Variants in TIAM2 observed in about 807,000 individuals in gnomAD.
TIAM2 encodes TIAM Rac1 associated GEF 2.
Under a neutral mutation model 152.9 loss-of-function variants are expected in TIAM2, and 80 were observed. The ratio of observed to expected loss-of-function variants is 0.52; its 90% CI spans 0.44 to 0.63. The LOEUF (loss-of-function observed/expected upper bound fraction) is 0.63. Among genes scored for constraint, TIAM2 ranks in the 30% least tolerant of loss-of-function variants. The pLI, the probability that TIAM2 is intolerant of heterozygous loss-of-function variation, is 0.00. For missense variants in TIAM2, 1,965 were observed against 2,120.1 expected (o/e 0.93, Z 1.44); for synonymous variants, 804 against 838.0 (o/e 0.96, Z 0.70).
intron 14 of TIAM2, among the ~76,000 whole-genome samples, chr6:155,200,293 G>T (rs1781446697): frequency 6.6e-6 from 1 of 152,084 alleles, no homozygotes; most frequent in South Asian, 2.1e-4. Flanking sequence ...ATCTATTCTT[G>T]TTCCTTTTTT....
At chr6:155,229,738 C>T (rs752144277) in intron 15 of TIAM2, among the ~76,000 whole-genome samples, 25 of 152,152 alleles carry the variant, frequency 1.6e-4, no homozygotes, top group Admixed American at 1.6e-3. Context: ...AAGAAATACC[C>T]GAGACTGGGT....
chr6:155,117,004 A>G (rs529608417), intron 2 of TIAM2, among the ~76,000 whole-genome samples: 2 of 152,006 alleles, frequency 1.3e-5, no homozygotes, highest in East Asian at 3.9e-4. Flanking sequence ...TGAGACTTGA[A>G]GTAGACGGGG....
chr6:155,193,301 G>T (rs1023731050), intron 14 of TIAM2, among the ~76,000 whole-genome samples: 1 of 152,168 alleles, frequency 6.6e-6, no homozygotes, highest in African/African-American at 2.4e-5. Context: ...CTACTTAGGA[G>T]GCTGAGGTGG....
At chr6:155,229,124 C>T (rs1274090046) in intron 15 of TIAM2, among the ~76,000 whole-genome samples, 1 of 152,210 alleles carries the variant, frequency 6.6e-6, no homozygotes, top group African/African-American at 2.4e-5. Flanking sequence ...CGCCTCCCCT[C>T]GTTGTTACTC....
intron 2 of TIAM2, among the ~76,000 whole-genome samples, chr6:155,118,477 G>A (rs1779069286): frequency 7.2e-6 from 1 of 138,844 alleles, no homozygotes; most frequent in African/African-American, 2.7e-5. Flanking sequence ...CTGTTGCCCA[G>A]GATGGAGTGC....
Position 155,213,019 on chromosome 6 carries a change from G to A in TIAM2, c.3168+1712G>A, listed in dbSNP as rs1163203819. On this transcript the variant is annotated intron_variant, in intron 15 of 26. Coordinates refer to ENST00000682666, the MANE Select transcript of TIAM2 (RefSeq NM_012454.4). The surrounding 1 kb of genome is among the most constrained non-coding windows in gnomAD (Gnocchi z 4.2). ...GAACCGCTGAGCCCCAAAGAGGGTG[G>A]CATAGCCCTGGTTCTGGGAACTCCT... 6.6e-6 allele frequency among the ~76,000 whole-genome samples: 1 copy of A among 152,192 alleles called. No individual in the cohort carries two copies. The highest frequency in any genetic ancestry group is 1.5e-5 in the Non-Finnish European group (1 of 68,028).
rs1312918770 is a variant in TIAM2, at chr6:155,252,942, T to C, written c.4120-6T>C. On this transcript the variant is annotated splice_region_variant and splice_polypyrimidine_tract_variant and intron_variant, in intron 23 of 26. Coordinates refer to ENST00000682666, the MANE Select transcript of TIAM2 (RefSeq NM_012454.4). ...ACACTTTTCTTGGTGGGCCTTCATGTTACAGCCCTCGAATTCCCGGCCTGC... is the reference window on the plus strand; with the variant it reads ...ACACTTTTCTTGGTGGGCCTTCATGCTACAGCCCTCGAATTCCCGGCCTGC... 6.2e-6 allele frequency: 10 copies of C among 1,613,690 alleles called. No individual in the cohort carries two copies. The highest frequency in any genetic ancestry group is 8.5e-6 in the Non-Finnish European group (10 of 1,179,730).
chr6:155,148,468 T>C, intron 7 of TIAM2, 134 bp downstream of exon 7: 3 of 903,790 alleles, frequency 3.3e-6, no homozygotes, highest in Non-Finnish European at 5.0e-6. Flanking sequence ...GGGGAAATAA[T>C]TTCTGTGGTT....
rs530012302 is a variant in TIAM2 at position 155,224,997 on chromosome 6, C to G, written c.3168+13690C>G. Reference sequence around the variant, plus strand: ...TTTGAGATGGGTCTCGCTCTGTCACCCAAGCTGGAGTGAAATGGTGCGATC... The same window carrying G: ...TTTGAGATGGGTCTCGCTCTGTCACGCAAGCTGGAGTGAAATGGTGCGATC... On this transcript the variant is annotated intron_variant, in intron 15 of 26. Coordinates refer to ENST00000682666, the MANE Select transcript of TIAM2 (RefSeq NM_012454.4). Among the ~76,000 whole-genome samples, 31 of 152,248 alleles carry G rather than the reference C, an allele frequency of 2.0e-4. No individual in the cohort carries two copies. In the South Asian group the frequency reaches 6.2e-3, roughly 31 times the overall value.
chr6:155,252,776 T>C, intron 23 of TIAM2, 172 bp from the exon 24 acceptor site: 1 of 591,082 alleles, frequency 1.7e-6, no homozygotes, highest in Non-Finnish European at 3.0e-6. Context: ...CCCTAGCATG[T>C]GAGGTCTTTG....
chr6:155,229,014 A>G (rs1333197511), intron 15 of TIAM2, among the ~76,000 whole-genome samples: 3 of 152,176 alleles, frequency 2.0e-5, no homozygotes, highest in African/African-American at 7.2e-5. Context: ...CTTCTCAGGA[A>G]AGTATGTCCG....
intron 2 of TIAM2, among the ~76,000 whole-genome samples, chr6:155,115,484 AC>A (rs1778986263): frequency 6.6e-6 from 1 of 151,920 alleles, no homozygotes; most frequent in African/African-American, 2.4e-5. Flanking sequence ...CCCTGTCTTT[AC>A]AAACAATAAA....
At chr6:155,064,435 C>T (rs1777646326) in intron 1 of TIAM2, among the ~76,000 whole-genome samples, 1 of 152,180 alleles carries the variant, frequency 6.6e-6, no homozygotes, top group Non-Finnish European at 1.5e-5. Flanking sequence ...ATGTATCCAG[C>T]TTGCCTATGC....
chr6:155,113,598 C>T (rs1033291399), intron 2 of TIAM2, among the ~76,000 whole-genome samples: 1 of 151,936 alleles, frequency 6.6e-6, no homozygotes, highest in Non-Finnish European at 1.5e-5. Flanking sequence ...ATGGTGGGCT[C>T]CTGTAGTGCC....
chr6:155,225,716 T>C (rs1417106626), intron 15 of TIAM2, among the ~76,000 whole-genome samples: 1 of 152,244 alleles, frequency 6.6e-6, no homozygotes, highest in Non-Finnish European at 1.5e-5. Flanking sequence ...TAAATCTTAT[T>C]CCATTTCTGT....
At chr6:155,113,247 G>T (rs73573779) in intron 2 of TIAM2, among the ~76,000 whole-genome samples, 5,535 of 151,972 alleles carry the variant, frequency 0.036, 113 homozygotes, top group Middle Eastern at 0.061. Flanking sequence ...CCTGCCCACG[G>T]TGCCCTTTCC....
In TIAM2 at chr6:155,025,920, T is replaced by C. The variant is rs372511492; in HGVS notation, c.-209+30428T>C. ...GAAACATTTGGATGCTTCGGAAAGG[T>C]GTTGTTGAGCAGTGGGACAAAAGCC... On this transcript the variant is annotated intron_variant, in intron 1 of 26. Coordinates refer to ENST00000682666, the MANE Select transcript of TIAM2 (RefSeq NM_012454.4). Among the ~76,000 whole-genome samples the C allele has an allele frequency of 2.9e-4, 44 of 150,368 alleles. No homozygotes were observed. The South Asian group carries it at 8.0e-3, about 27-fold the overall frequency.
At chr6:155,237,481 G>A (rs1782826876) in intron 15 of TIAM2, among the ~76,000 whole-genome samples, 1 of 152,240 alleles carries the variant, frequency 6.6e-6, no homozygotes, top group Admixed American at 6.5e-5. Flanking sequence ...GCCCCAGTAG[G>A]GACTCTGTGT....
chr6:155,250,682 C>A, intron 21 of TIAM2: 1 of 1,459,426 alleles, frequency 6.9e-7, no homozygotes, highest in Non-Finnish European at 9.3e-7. Context: ...CCTACATGTG[C>A]GTGCACTGGA....
Sources: gnomAD v4.1 joint callset for allele counts (sites outside exome capture counted in the v4.1 genomes callset) on GRCh38, gnomAD v4.1.1 for gene constraint, Gnocchi (gnomAD v3.1) non-coding constraint, MANE v1.5 for transcripts, NCBI Gene and HGNC (gene_info 2026-07-23, HGNC 2026-07-21) for gene names.